Variants in RNF126 observed in about 807,000 individuals in gnomAD.
The protein encoded by RNF126 is E3 ubiquitin-protein ligase RNF126.
A neutral mutation model predicts 41.9 loss-of-function variants in RNF126; 20 were observed. The observed-to-expected ratio is 0.48, with a 90% confidence interval of 0.34 to 0.69. The LOEUF (loss-of-function observed/expected upper bound fraction) is 0.69. Ranked by LOEUF, RNF126 falls within the 30% of genes least tolerant of loss-of-function variation. The pLI, the probability that RNF126 is intolerant of heterozygous loss-of-function variation, is 0.01. For synonymous variants in RNF126, 239 were observed against 202.9 expected (o/e 1.18, Z -1.51); for missense variants, 433 against 460.6 (o/e 0.94, Z 0.55).
rs916565841 is a variant in RNF126 at position 647,918 on chromosome 19, G to A, written c.*210C>T. 6.2e-6 allele frequency: 4 copies of A among 641,526 alleles called. No homozygotes were observed. Among genetic ancestry groups the A allele is most frequent in the Admixed American group, 5.4e-5 (2 of 36,784 alleles). The allele number at this position is 641,526 out of a possible 1,614,324, so 39.7% of individuals were successfully genotyped here. On this transcript the variant is annotated 3_prime_UTR_variant, in exon 9 of 9. Coordinates refer to ENST00000292363, the MANE Select transcript of RNF126 (RefSeq NM_194460.3). ...GGTTAGACAGAGGACGGGGAGGCTG[G>A]GGACGCCCCAGAGGGGACCATGTGG...
intron 1 of RNF126, among the ~76,000 whole-genome samples, chr19:658,289 A>G (rs531020286): frequency 1.4e-3 from 209 of 152,166 alleles, no homozygotes; most frequent in Non-Finnish European, 2.6e-3. Flanking sequence ...CACGGGGCGC[A>G]TGTCCTGAGG....
chr19:652,401 G>A (rs1056057094), intron 2 of RNF126, 105 bp from the exon 3 acceptor site: 3 of 1,044,028 alleles, frequency 2.9e-6, no homozygotes, highest in Non-Finnish European at 4.2e-6. Flanking sequence ...AATTGTCCTT[G>A]GCACTGCTTC....
chr19:658,581 C>A (rs928319060), intron 1 of RNF126, among the ~76,000 whole-genome samples: 2 of 152,156 alleles, frequency 1.3e-5, no homozygotes, highest in Non-Finnish European at 2.9e-5. Context: ...GGCACGGGCA[C>A]GTGCGGCGCC....
chr19:651,538 G>A, intron 4 of RNF126, 73 bp downstream of exon 4: 1 of 1,342,778 alleles, frequency 7.4e-7, no homozygotes, highest in Non-Finnish European at 9.6e-7. Context: ...TGGAACCCGT[G>A]CTGGATTCTA....
chr19:652,706 A>G (rs2030374770), intron 2 of RNF126, 120 bp downstream of exon 2: 1 of 885,092 alleles, frequency 1.1e-6, no homozygotes, highest in South Asian at 1.4e-5. Context: ...TCCCGGAGCC[A>G]CAGACACCAG....
intron 1 of RNF126, among the ~76,000 whole-genome samples, chr19:654,122 G>A (rs962883014): frequency 1.1e-4 from 16 of 152,224 alleles, no homozygotes; most frequent in Admixed American, 6.5e-4. Context: ...CTGGGCCCCC[G>A]CCCACACCAC....
intron 1 of RNF126, among the ~76,000 whole-genome samples, chr19:653,427 AC>A (rs1228032488): frequency 4.6e-5 from 7 of 152,168 alleles, no homozygotes; most frequent in African/African-American, 1.4e-4. Context: ...AGACGTGAGG[AC>A]CCTGCCCAGG....
chr19:648,169 A>T lies in RNF126; in HGVS notation c.895T>A (p.Ser299Thr). Residue 299 changes from serine (S) to threonine (T), a missense_variant, in exon 9 of 9, where the codon TCC becomes ACC. Coordinates refer to ENST00000292363, the MANE Select transcript of RNF126 (RefSeq NM_194460.3). Reference protein sequence around the residue: ...SFSSSSSSSSSSSPSNENATS... With the variant: ...SFSSSSSSSSTSSPSNENATS... The stretch of plus-strand genomic sequence containing the variant: ...GCGTTCTCGTTGCTGGGCGAGCTGG[A>T]GGAGGACGATGACGACGAGGAGGAG... The T allele has an allele frequency of 6.2e-7, 1 of 1,605,406 alleles. No individual in the cohort carries two copies. Among genetic ancestry groups the T allele is most frequent in the South Asian group, 1.1e-5 (1 of 90,304 alleles).
rs186536892 is a variant in RNF126, at chr19:652,261, G to T, written c.170C>A (p.Pro57His). Residue 57 changes from proline to histidine, a missense_variant, in exon 3 of 9, where the codon CCC becomes CAC. Physicochemically the swap from Pro to His is moderately conservative, Grantham distance 77. Transcript: ENST00000292363. ...TENGSAPSTAPTDQSRPPLEH... is the reference protein window; with the variant it reads ...TENGSAPSTAHTDQSRPPLEH... ...CAACGGTGGCCGGCTCTGGTCTGTG[G>T]GAGCTGTGGAGGGGGCAGAACCATT... 1 of 1,550,878 alleles carries T rather than the reference G, an allele frequency of 6.4e-7. No individual in the cohort carries two copies. Among genetic ancestry groups the T allele is most frequent in the South Asian group, 1.2e-5 (1 of 80,362 alleles).
chr19:652,692 G>A, intron 2 of RNF126, 134 bp downstream of exon 2: 1 of 785,854 alleles, frequency 1.3e-6, no homozygotes, highest in South Asian at 1.6e-5. Context: ...ACAGAGAAAA[G>A]TGCTCCCGGA....
chr19:648,545 G>A lies in RNF126; in HGVS notation c.671-58C>T, dbSNP rs1308910814. 2.2e-6 allele frequency: 3 copies of A among 1,373,306 alleles called. No homozygotes were observed. The East Asian group carries it at 7.5e-5, about 34-fold the overall frequency. The allele number at this position is 1,373,306 out of a possible 1,614,324, so 85.1% of individuals were successfully genotyped here. A position where few individuals can be genotyped will look rare whatever the true frequency, so the allele number is the denominator to read the frequency against. The stretch of plus-strand genomic sequence containing the variant: ...CGTGGGGGGCCTGCCGAGCCTTCAA[G>A]GGCAGGCTACTCCACAGCCTCAGCC... On this transcript the variant is annotated intron_variant, in intron 7 of 8. Transcript: ENST00000292363.
At chr19:660,104 CCGT>C (rs2030732565) in intron 1 of RNF126, among the ~76,000 whole-genome samples, 1 of 152,248 alleles carries the variant, frequency 6.6e-6, no homozygotes, top group Non-Finnish European at 1.5e-5. Context: ...TGCCCCTGTG[CCGT>C]CGTCGCCTGA....
intron 8 of RNF126, 29 bp downstream of exon 8, chr19:648,343 G>C (rs1052676374): frequency 2.7e-6 from 2 of 739,588 alleles, no homozygotes; most frequent in Non-Finnish European, 4.1e-6. Context: ...CGCGGTCGGG[G>C]TGGGGGGGCG....
chr19:656,740 C>T (rs1321055614), intron 1 of RNF126, among the ~76,000 whole-genome samples: 1 of 152,324 alleles, frequency 6.6e-6, no homozygotes, highest in Admixed American at 6.5e-5. Context: ...GTGGCTCTGC[C>T]ACAGTGGCCG....
rs778139022 is a variant in RNF126 at position 649,759 on chromosome 19, A to T, written c.507-11T>A. 6 of 1,558,954 alleles carry T rather than the reference A, an allele frequency of 3.8e-6. No homozygotes were observed. The African/African-American group carries it at 8.2e-5, about 21-fold the overall frequency. ...GAGTGCAGGACTCCCCTGGAGGTGG[A>T]AGGTGGGGTTCAAGTGGCTGACGGG... On this transcript the variant is annotated splice_polypyrimidine_tract_variant and intron_variant, in intron 5 of 8. Transcript: ENST00000292363.
Position 647,762 on chromosome 19 carries a change from G to A in RNF126, c.*366C>T, listed in dbSNP as rs555151701. 2 of 348,706 alleles carry A rather than the reference G, an allele frequency of 5.7e-6. No homozygotes were observed. Among genetic ancestry groups the A allele is most frequent in the Admixed American group, 3.9e-5 (1 of 25,554 alleles). 21.6% of individuals were successfully genotyped at this position (348,706 alleles called of 1,614,324 possible). A position where few individuals can be genotyped will look rare whatever the true frequency, so the allele number is the denominator to read the frequency against. On this transcript the variant is annotated 3_prime_UTR_variant, in exon 9 of 9. Transcript: ENST00000292363. Reference sequence around the variant, plus strand: ...TGAACCCCGTGCTTCAGCGCTGGGGGAGCCGCTGGGCCCCGTCTTCCGCCA... The same window carrying A: ...TGAACCCCGTGCTTCAGCGCTGGGGAAGCCGCTGGGCCCCGTCTTCCGCCA...
intron 1 of RNF126, among the ~76,000 whole-genome samples, chr19:656,830 ACTTCACAGTCAAAT>A (rs2030580857): frequency 6.6e-6 from 1 of 152,078 alleles, no homozygotes. Flanking sequence ...ACACGCTGAG[ACTTCACAGTCAAAT>A]CTGAACCCCT....
At chr19:662,969 GACCCCC>G in intron 1 of RNF126, 72 bp downstream of exon 1, 1 of 633,716 alleles carries the variant, frequency 1.6e-6, no homozygotes, top group East Asian at 4.0e-5. Flanking sequence ...GGGCGCAAGC[GACCCCC>G]ACCCCGGCCC....
chr19:661,064 G>A lies in RNF126; in HGVS notation c.75+1983C>T, dbSNP rs1008993228. Among the ~76,000 whole-genome samples, 12 of 152,356 alleles carry A rather than the reference G, an allele frequency of 7.9e-5. No individual in the cohort carries two copies. In the South Asian group the frequency reaches 2.5e-3, roughly 32 times the overall value. On this transcript the variant is annotated intron_variant, in intron 1 of 8. Coordinates refer to ENST00000292363, the MANE Select transcript of RNF126 (RefSeq NM_194460.3). The stretch of plus-strand genomic sequence containing the variant: ...CCTGGCCAGCCTGTAAATTCTGTGA[G>A]GGCAAAGACCACAGCGGCCTGTCAC...
Sources: gnomAD v4.1 joint callset for allele counts (sites outside exome capture counted in the v4.1 genomes callset) on GRCh38, gnomAD v4.1.1 for gene constraint, MANE v1.5 for transcripts, NCBI Gene and HGNC (gene_info 2026-07-23, HGNC 2026-07-21) for gene names.